Variants in MMS22L observed in about 807,000 individuals in gnomAD.
The protein encoded by MMS22L is protein MMS22-like.
Under a neutral mutation model 159.1 loss-of-function variants are expected in MMS22L, and 74 were observed. The observed-to-expected ratio is 0.47, with a 90% CI of 0.39 to 0.56. The LOEUF is 0.56. Among genes scored for constraint, MMS22L ranks in the 20% least tolerant of loss-of-function variants. The pLI is 0.00. For missense variants in MMS22L, 1,351 were observed against 1,422.1 expected (o/e 0.95, Z 0.80); for synonymous variants, 517 against 506.9 (o/e 1.02, Z -0.27).
intron 4 of MMS22L, 44 bp downstream of exon 4, chr6:97,278,805 A>G (rs1816482917): frequency 1.3e-6 from 2 of 1,546,008 alleles, no homozygotes; most frequent in South Asian, 1.1e-5. Context: ...ACTCACTATA[A>G]TGAAGCACCA....
intron 20 of MMS22L, 149 bp downstream of exon 20, chr6:97,167,922 A>C: frequency 1.4e-6 from 1 of 736,072 alleles, no homozygotes; most frequent in East Asian, 3.0e-5. Context: ...CAAACATAAA[A>C]GCAATTTAAA....
intron 8 of MMS22L, chr6:97,265,302 C>T (rs748188226): frequency 7.9e-5 from 12 of 152,194 alleles, no homozygotes; most frequent in Non-Finnish European, 1.3e-4. Context: ...TGGATATCCA[C>T]ATACAGAATG....
At chr6:97,264,723 A>G (rs2128079451) in intron 8 of MMS22L, 1 of 152,282 alleles carries the variant, frequency 6.6e-6, no homozygotes, top group South Asian at 2.1e-4. Flanking sequence ...AACATACAAA[A>G]TACCATAGCA....
chr6:97,261,704 G>C (rs547801000), intron 9 of MMS22L: 1 of 152,096 alleles, frequency 6.6e-6, no homozygotes, highest in Admixed American at 6.6e-5. Context: ...GTCAACAGTA[G>C]ATATATTTGA....
chr6:97,177,267 C>A (rs1452592321), intron 18 of MMS22L, among the ~76,000 whole-genome samples: 1 of 152,086 alleles, frequency 6.6e-6, no homozygotes, highest in Non-Finnish European at 1.5e-5. Flanking sequence ...ACTTCTTATA[C>A]TAAAATGCTT....
chr6:97,254,024 G>A (rs1309165308), intron 10 of MMS22L: 1 of 152,326 alleles, frequency 6.6e-6, no homozygotes, highest in Non-Finnish European at 1.5e-5. Context: ...TGTAAAAAAT[G>A]TTTCTAATGA....
At chr6:97,218,383 C>A (rs4574650) in intron 14 of MMS22L, among the ~76,000 whole-genome samples, 99,318 of 151,986 alleles carry the variant, frequency 0.65, 33,790 homozygotes, top group Non-Finnish European at 0.76. Flanking sequence ...CAAGTATAAA[C>A]CATTAGCAAG....
chr6:97,255,044 T>C (rs1364099888), intron 9 of MMS22L, among the ~76,000 whole-genome samples: 1 of 152,050 alleles, frequency 6.6e-6, no homozygotes, highest in African/African-American at 2.4e-5. Context: ...TGTGGCTTCA[T>C]CTGTATTTTG....
intron 23 of MMS22L, among the ~76,000 whole-genome samples, chr6:97,151,247 C>T (rs1801288441): frequency 6.6e-6 from 1 of 152,154 alleles, no homozygotes; most frequent in Admixed American, 6.5e-5. Context: ...GATTAAAATA[C>T]TGCATTTTTA....
chr6:97,165,425 AT>A lies in MMS22L; in HGVS notation c.3041del (p.Asn1014IlefsTer6), dbSNP rs746874776. 6.2e-7 allele frequency: 1 copy of A among 1,612,936 alleles called. No homozygotes were observed. The highest frequency in any genetic ancestry group is 2.2e-5 in the East Asian group (1 of 44,824). ...GCAATTGATTCAAATAGGCATTCGG[AT>A]TTTGAGATTGACAACACACGATACA... ...GMCIVCCQSQ[N>X]PNAYLNQLLG... is the part of the protein sequence containing the mutation. On this transcript the variant is annotated frameshift_variant, in exon 21 of 25. Transcript: ENST00000683635. LOFTEE classifies it high-confidence loss of function.
At chr6:97,204,356 T>G (rs1054326502) in intron 14 of MMS22L, among the ~76,000 whole-genome samples, 2 of 152,168 alleles carry the variant, frequency 1.3e-5, no homozygotes, top group Non-Finnish European at 2.9e-5. Context: ...TCCTCATGGT[T>G]AAGATAACAT....
At chr6:97,269,128 T>C (rs565712227) in intron 7 of MMS22L, among the ~76,000 whole-genome samples, 2 of 151,932 alleles carry the variant, frequency 1.3e-5, no homozygotes, top group African/African-American at 4.8e-5. Context: ...ATACAATGAG[T>C]AATTAATAAA....
intron 22 of MMS22L, among the ~76,000 whole-genome samples, chr6:97,152,522 T>C (rs1801413898): frequency 6.6e-6 from 1 of 152,134 alleles, no homozygotes; most frequent in Non-Finnish European, 1.5e-5. Flanking sequence ...GCTACTAAAT[T>C]CTTATGTTGT....
At chr6:97,199,348 A>G (rs1166780066) in intron 14 of MMS22L, among the ~76,000 whole-genome samples, 1 of 152,132 alleles carries the variant, frequency 6.6e-6, no homozygotes, top group Non-Finnish European at 1.5e-5. Flanking sequence ...CTGATTATTA[A>G]CTACATCAAC....
chr6:97,203,806 T>C (rs1181553885), intron 14 of MMS22L, among the ~76,000 whole-genome samples: 1 of 152,242 alleles, frequency 6.6e-6, no homozygotes, highest in Non-Finnish European at 1.5e-5. Flanking sequence ...ATAATGATTG[T>C]ATGCCAACTT....
intron 18 of MMS22L, among the ~76,000 whole-genome samples, chr6:97,176,883 A>G (rs1804180711): frequency 6.6e-6 from 1 of 152,150 alleles, no homozygotes; most frequent in South Asian, 2.1e-4. Context: ...TGTGAATACA[A>G]CTATATGCTA....
intron 14 of MMS22L, among the ~76,000 whole-genome samples, chr6:97,224,684 T>A (rs1294411979): frequency 1.3e-5 from 2 of 151,580 alleles, no homozygotes; most frequent in Non-Finnish European, 2.9e-5. Flanking sequence ...ATAGTGGTAA[T>A]AATTTCAGGT....
At chr6:97,236,130 C>A (rs1249943259) in intron 11 of MMS22L, among the ~76,000 whole-genome samples, 1 of 151,738 alleles carries the variant, frequency 6.6e-6, no homozygotes, top group Non-Finnish European at 1.5e-5. Flanking sequence ...GAGTTTAAGA[C>A]CAGCCTGGCC....
intron 14 of MMS22L, among the ~76,000 whole-genome samples, chr6:97,190,981 C>T (rs1410896110): frequency 6.6e-6 from 1 of 152,166 alleles, no homozygotes; most frequent in Non-Finnish European, 1.5e-5. Context: ...CTCAGTTACC[C>T]TGCCTCCTTT....
Sources: gnomAD v4.1 joint callset for allele counts (sites outside exome capture counted in the v4.1 genomes callset) on GRCh38, gnomAD v4.1.1 for gene constraint, MANE v1.5 for transcripts, NCBI Gene and HGNC (gene_info 2026-07-23, HGNC 2026-07-21) for gene names.